Variants in ARHGAP32 observed in about 807,000 individuals in gnomAD.
ARHGAP32 encodes the protein rho GTPase-activating protein 32.
ARHGAP32 carries 51 observed loss-of-function variants against 186.5 expected under a neutral mutation model. The observed-to-expected ratio is 0.27, with a 90% CI of 0.22 to 0.35. ARHGAP32 has a LOEUF of 0.35. ARHGAP32 is among the 10% of genes least tolerant of loss of function. ARHGAP32 has a pLI of 1.00. For missense variants in ARHGAP32, 2,186 were observed against 2,623.5 expected, an observed-to-expected ratio of 0.83 and a Z score of 3.64; for synonymous variants, 950 against 964.3, an observed-to-expected ratio of 0.99 and a Z score of 0.27.
At chr11:129,143,981 A>G (rs536631675) in intron 2 of ARHGAP32, among the ~76,000 whole-genome samples, 1 of 152,312 alleles carries the variant, frequency 6.6e-6, no homozygotes, top group South Asian at 2.1e-4. Flanking sequence ...CTTGGATGGA[A>G]GGAAACTATT....
At chr11:129,180,715 A>G (rs1023354665) in intron 1 of ARHGAP32, among the ~76,000 whole-genome samples, 1 of 152,126 alleles carries the variant, frequency 6.6e-6, no homozygotes, top group Non-Finnish European at 1.5e-5. Flanking sequence ...GCTGTAGTTA[A>G]GGGCTGCCAA....
chr11:129,205,723 T>C (rs1944506963), intron 1 of ARHGAP32, among the ~76,000 whole-genome samples: 1 of 152,172 alleles, frequency 6.6e-6, no homozygotes, highest in African/African-American at 2.4e-5. Flanking sequence ...TAGGTTTGGA[T>C]CTACTAAAAT....
At chr11:129,065,441 GAC>G (rs1025293761) in intron 7 of ARHGAP32, among the ~76,000 whole-genome samples, 50 of 152,168 alleles carry the variant, frequency 3.3e-4, no homozygotes, top group African/African-American at 9.9e-4. Context: ...TAGGAATTGT[GAC>G]ACAGATTCTA....
Position 128,972,516 on chromosome 11 carries a change from C to A in ARHGAP32, c.3990G>T (p.Glu1330Asp). 6.5e-7 allele frequency: 1 copy of A among 1,544,788 alleles called. No homozygotes were observed. The highest frequency in any genetic ancestry group is 8.7e-7 in the Non-Finnish European group (1 of 1,145,234). Residue 1330 changes from glutamate (E) to aspartate (D), a missense_variant, in exon 22 of 23, where the codon GAG (glutamate) becomes GAT (aspartate). This residue lies in a region of ARHGAP32 where 1,502 missense variants were observed against 1,570.0 expected (regional missense o/e 0.96). Coordinates refer to ENST00000682385, the MANE Select transcript of ARHGAP32 (RefSeq NM_001378024.1). ...LPPPPSQRSA[E>D]QPPVVGQVQA... ...GTACCTGCCCCACAACTGGTGGCTG[C>A]TCTGCAGATCTCTGGGAAGGCGGAG...
At chr11:129,101,157 C>T (rs1357439983) in intron 5 of ARHGAP32, among the ~76,000 whole-genome samples, 1 of 152,098 alleles carries the variant, frequency 6.6e-6, no homozygotes, top group African/African-American at 2.4e-5. Flanking sequence ...GAATCCCCTT[C>T]ATAACACAAT....
intron 1 of ARHGAP32, among the ~76,000 whole-genome samples, chr11:129,229,793 T>C (rs1310436284): frequency 6.6e-6 from 1 of 152,106 alleles, no homozygotes; most frequent in African/African-American, 2.4e-5. Context: ...TATATATGCA[T>C]AACATTAATA....
chr11:129,144,269 A>G (rs1020311620), intron 2 of ARHGAP32, among the ~76,000 whole-genome samples: 3 of 152,180 alleles, frequency 2.0e-5, no homozygotes, highest in East Asian at 3.8e-4. Flanking sequence ...ACATGTTTAT[A>G]TATTGTGAGT....
chr11:129,039,245 C>A (rs1338276739), intron 11 of ARHGAP32, among the ~76,000 whole-genome samples: 1 of 152,076 alleles, frequency 6.6e-6, no homozygotes, highest in African/African-American at 2.4e-5. Context: ...TGGACATATA[C>A]CCAAGGGAAA....
upstream of ARHGAP32, among the ~76,000 whole-genome samples, chr11:129,193,325 G>T (rs1373517873): frequency 1.3e-4 from 1 of 7,774 alleles, no homozygotes; most frequent in East Asian, 8.8e-3. Flanking sequence ...GGGGGGGGGG[G>T]GGCGGGAAAC....
At position 129,192,271 on chromosome 11, in the gene ARHGAP32, G is replaced by T; in HGVS notation, c.-73C>A. 1.9e-6 allele frequency: 2 copies of T among 1,043,692 alleles called. No homozygotes were observed. Among genetic ancestry groups the T allele is most frequent in the Non-Finnish European group, 3.0e-6 (2 of 674,674 alleles). 64.7% of individuals were successfully genotyped at this position (1,043,692 alleles called of 1,614,324 possible). Reference sequence around the variant, plus strand: ...AAAGCACCAACATTCAGGTTGTTCAGCTCTACTCATGTATACTCAGATGTG... The same window carrying T: ...AAAGCACCAACATTCAGGTTGTTCATCTCTACTCATGTATACTCAGATGTG... On this transcript the variant is annotated 5_prime_UTR_variant, in exon 1 of 23. In the 5' UTR this introduces an upstream ATG that the reference lacks. Transcript: ENST00000682385.
At chr11:129,152,204 G>A (rs1162861584) in intron 2 of ARHGAP32, among the ~76,000 whole-genome samples, 2 of 152,030 alleles carry the variant, frequency 1.3e-5, no homozygotes, top group African/African-American at 4.8e-5. Context: ...CAAGTAGTCT[G>A]TTCAGAGTTC....
At chr11:129,207,688 C>T (rs1030657005) in intron 1 of ARHGAP32, among the ~76,000 whole-genome samples, 7 of 151,808 alleles carry the variant, frequency 4.6e-5, no homozygotes, top group African/African-American at 1.2e-4. Context: ...CTGTAGGTTG[C>T]CTCTTCACTC....
intron 11 of ARHGAP32, among the ~76,000 whole-genome samples, chr11:129,013,546 T>C (rs2134841975): frequency 6.6e-6 from 1 of 152,326 alleles, no homozygotes; most frequent in South Asian, 2.1e-4. Context: ...TCCTCTTCAT[T>C]GTGGTAGACA....
At chr11:128,996,993 G>A (rs1946219278) in intron 12 of ARHGAP32, among the ~76,000 whole-genome samples, 1 of 152,088 alleles carries the variant, frequency 6.6e-6, no homozygotes, top group African/African-American at 2.4e-5. Context: ...TGTGTAGGCT[G>A]ATCTCGAACT....
intron 12 of ARHGAP32, among the ~76,000 whole-genome samples, chr11:128,990,545 T>C (rs1157127174): frequency 6.6e-6 from 1 of 152,198 alleles, no homozygotes; most frequent in Admixed American, 6.5e-5. Context: ...CCTCTAAAAA[T>C]ATTCAAGACT....
At chr11:129,097,251 G>A (rs940456138) in intron 5 of ARHGAP32, among the ~76,000 whole-genome samples, 1 of 152,040 alleles carries the variant, frequency 6.6e-6, no homozygotes, top group Non-Finnish European at 1.5e-5. Context: ...ATAGCTTGAG[G>A]CCAGGAGTTC....
At chr11:129,227,474 TA>T (rs33996728) in intron 1 of ARHGAP32, among the ~76,000 whole-genome samples, 30,819 of 147,806 alleles carry the variant, frequency 0.21, 3,215 homozygotes, top group Non-Finnish European at 0.23. Context: ...ATTGACAGTT[TA>T]AAAAAAAAAA....
chr11:129,010,324 T>C (rs1052504025), intron 11 of ARHGAP32, among the ~76,000 whole-genome samples: 3 of 152,238 alleles, frequency 2.0e-5, no homozygotes, highest in African/African-American at 7.2e-5. Context: ...ATTTTTGCTT[T>C]TGTTGCAATT....
chr11:129,130,976 C>T (rs653950), intron 2 of ARHGAP32, among the ~76,000 whole-genome samples: 118,103 of 151,910 alleles, frequency 0.78, 46,817 homozygotes, highest in African/African-American at 0.94. Context: ...TTATGGCATA[C>T]ATATATATGC....
Sources: allele counts gnomAD v4.1 joint callset (sites outside exome capture counted in the v4.1 genomes callset), GRCh38; gene constraint gnomAD v4.1.1; regional missense constraint gnomAD v4.1.1; transcripts MANE v1.5; gene names NCBI Gene and HGNC (gene_info 2026-07-23, HGNC 2026-07-21).